NEUROG2: variants seen among roughly 807,000 people sequenced by gnomAD.
NEUROG2 encodes neurogenin-2.
Under a neutral mutation model 2.8 loss-of-function variants are expected in NEUROG2, and 1 was observed. The ratio of observed to expected loss-of-function variants is 0.36; its 90% confidence interval spans 0.13 to 1.71. The LOEUF is 1.71. Among genes scored for constraint, NEUROG2 ranks in the 40% most tolerant of loss-of-function variants. NEUROG2 has a pLI of 0.34. For missense variants in NEUROG2, 397 were observed against 392.7 expected (o/e 1.01, Z -0.09); for synonymous variants, 211 against 187.7 (o/e 1.12, Z -1.01).
rs756916626 is a variant in NEUROG2, at chr4:112,514,970, C to A, written c.506G>T (p.Arg169Leu). The A allele has an allele frequency of 5.6e-6, 9 of 1,613,460 alleles. No homozygotes were observed. The highest frequency in any genetic ancestry group is 6.8e-6 in the Non-Finnish European group (8 of 1,179,792). Residue 169 changes from arginine to leucine, a missense_variant, in exon 2 of 2, where the codon CGC becomes CTC. Physicochemically the swap from Arg to Leu is moderately radical, Grantham distance 102 (BLOSUM62 -2). Transcript: ENST00000313341. ...NYIWALTETL[R>L]LADHCGGGGG... is the part of the protein sequence containing the mutation. Reference sequence around the variant, plus strand: ...GCCGCCCCCGCAGTGATCCGCCAGGCGCAGGGTCTCGGTGAGTGCCCAGAT... The same window carrying A: ...GCCGCCCCCGCAGTGATCCGCCAGGAGCAGGGTCTCGGTGAGTGCCCAGAT...
chr4:112,514,967 A>G lies in NEUROG2; in HGVS notation c.509T>C (p.Leu170Pro), dbSNP rs1560712098. The change falls in exon 2 of 2, where the codon CTG becomes CCG. Residue 170 changes from leucine to proline, a missense_variant. Coordinates refer to ENST00000313341, the MANE Select transcript of NEUROG2 (RefSeq NM_024019.4). ...GCCGCCGCCCCCGCAGTGATCCGCC[A>G]GGCGCAGGGTCTCGGTGAGTGCCCA... ...YIWALTETLR[L>P]ADHCGGGGGG... 1 of 1,612,210 alleles carries G rather than the reference A, an allele frequency of 6.2e-7. No individual in the cohort carries two copies. The highest frequency in any genetic ancestry group is 8.5e-7 in the Non-Finnish European group (1 of 1,179,540).
In NEUROG2 at chr4:112,513,872, C is replaced by T. The variant is rs1736364164; in HGVS notation, c.*785G>A. ...ATAGAGAGTTCAGCCTAAATTTCCA[C>T]GCTTGCATTCAATCATTACAAAGCC... On this transcript the variant is annotated 3_prime_UTR_variant, in exon 2 of 2. Transcript: ENST00000313341. 1 of 152,628 alleles carries T rather than the reference C, an allele frequency of 6.6e-6. No homozygotes were observed. The highest frequency in any genetic ancestry group is 2.1e-4 in the South Asian group (1 of 4,826). The allele number at this position is 152,628 out of a possible 1,614,324, so 9.5% of individuals were successfully genotyped here. A position where few individuals can be genotyped will look rare whatever the true frequency, so the allele number is the denominator to read the frequency against.
chr4:112,514,338 T>C lies in NEUROG2; in HGVS notation c.*319A>G, dbSNP rs1383383818. On this transcript the variant is annotated 3_prime_UTR_variant, in exon 2 of 2. Coordinates refer to ENST00000313341, the MANE Select transcript of NEUROG2 (RefSeq NM_024019.4). ...AGAAAGGGGAGGAGCGTCAGTCCGCTCTGCAAACTCTTTAGATATGCCACC... is the reference window on the plus strand; with the variant it reads ...AGAAAGGGGAGGAGCGTCAGTCCGCCCTGCAAACTCTTTAGATATGCCACC... 1 of 301,178 alleles carries C rather than the reference T, an allele frequency of 3.3e-6. No individual in the cohort carries two copies. The highest frequency in any genetic ancestry group is 6.1e-6 in the Non-Finnish European group (1 of 164,754). 18.7% of individuals were successfully genotyped at this position (301,178 alleles called of 1,614,324 possible).
chr4:112,515,740 G>A (rs569670407), intron 1 of NEUROG2, 107 bp downstream of exon 1: 6 of 311,478 alleles, frequency 1.9e-5, no homozygotes, highest in African/African-American at 1.3e-4. Context: ...AAGGGACTGC[G>A]GCCTCCGCGA....
intron 1 of NEUROG2, 49 bp downstream of exon 1, chr4:112,515,798 G>C (rs762746243): frequency 4.9e-6 from 1 of 203,070 alleles, no homozygotes; most frequent in Non-Finnish European, 9.9e-6. Flanking sequence ...GTTGGACTGA[G>C]TGCGGGGAAA....
rs1736383955 is a variant in NEUROG2, at chr4:112,514,673, G to T, written c.803C>A (p.Ala268Asp). Residue 268 changes from alanine to aspartate, a missense_variant, in exon 2 of 2, where the codon GCC becomes GAC. Transcript: ENST00000313341. ...ATGGCAGCTCTAGATACAATCCCTG[G>T]CTATGGGGAGGTGAGGTGCATAGCG... Reference protein sequence around the residue: ...KHRYAPHLPIARDCI With the variant: ...KHRYAPHLPIDRDCI 1 of 1,509,354 alleles carries T rather than the reference G, an allele frequency of 6.6e-7. No homozygotes were observed. The highest frequency in any genetic ancestry group is 8.8e-7 in the Non-Finnish European group (1 of 1,130,790). The allele number at this position is 1,509,354 out of a possible 1,614,324, so 93.5% of individuals were successfully genotyped here.
rs372163446 is a variant in NEUROG2, at chr4:112,515,407, G to A, written c.69C>T (p.Ala23=). 3.3e-6 allele frequency: 5 copies of A among 1,526,188 alleles called. No homozygotes were observed. The African/African-American group carries it at 5.7e-5, about 17-fold the overall frequency. The allele number at this position is 1,526,188 out of a possible 1,614,324, so 94.5% of individuals were successfully genotyped here. ...GGGTCAGGGCCGCCAAGGCGGGGGAGGCCGATCCGAGCAGCACTAACACGT... is the reference window on the plus strand; with the variant it reads ...GGGTCAGGGCCGCCAAGGCGGGGGAAGCCGATCCGAGCAGCACTAACACGT... ...EEDVLVLLGS[A]SPALAALTPL... is the part of the protein sequence containing the mutation. The change falls in exon 2 of 2, where the codon GCC becomes GCT. Residue 23 remains alanine, a synonymous_variant. Coordinates refer to ENST00000313341, the MANE Select transcript of NEUROG2 (RefSeq NM_024019.4).
In NEUROG2 at chr4:112,514,597, C is replaced by G. The variant is rs1441024409; in HGVS notation, c.*60G>C. 1 of 1,388,190 alleles carries G rather than the reference C, an allele frequency of 7.2e-7. No homozygotes were observed. Among genetic ancestry groups the G allele is most frequent in the Non-Finnish European group, 9.6e-7 (1 of 1,046,938 alleles). 86.0% of individuals were successfully genotyped at this position (1,388,190 alleles called of 1,614,324 possible). On this transcript the variant is annotated 3_prime_UTR_variant, in exon 2 of 2. Coordinates refer to ENST00000313341, the MANE Select transcript of NEUROG2 (RefSeq NM_024019.4). ...AGGGGCAGGGGAAGGGAGGAGGGCT[C>G]GACTGGGGACAGGAAAGGGAACCCA...
Position 112,514,409 on chromosome 4 carries a change from A to C in NEUROG2, c.*248T>G. The stretch of plus-strand genomic sequence containing the variant: ...TTTTCGTCTCAAGAAGCGCCCCCAA[A>C]ACGCCACCCTTGGCTTTGACAATAA... On this transcript the variant is annotated 3_prime_UTR_variant, in exon 2 of 2. Coordinates refer to ENST00000313341, the MANE Select transcript of NEUROG2 (RefSeq NM_024019.4). The C allele has an allele frequency of 2.5e-6, 1 of 394,138 alleles. No homozygotes were observed. Among genetic ancestry groups the C allele is most frequent in the Non-Finnish European group, 4.4e-6 (1 of 225,170 alleles). The allele number at this position is 394,138 out of a possible 1,614,324, so 24.4% of individuals were successfully genotyped here.
In NEUROG2 at chr4:112,515,054, G is replaced by A. The variant is rs1736399928; in HGVS notation, c.422C>T (p.Thr141Met). Residue 141 changes from threonine (T) to methionine (M), a missense_variant, in exon 2 of 2, where the codon ACG (threonine) becomes ATG (methionine). Thr to Met is a moderately conservative substitution (Grantham distance 81). Coordinates refer to ENST00000313341, the MANE Select transcript of NEUROG2 (RefSeq NM_024019.4). ...GGTGAGCTTGGCGTCCTCGGGGAAC[G>A]TGGGGAGCACCTCGCGCAGCGCGTC... ...ALDALREVLPTFPEDAKLTKI... is the reference protein window; with the variant it reads ...ALDALREVLPMFPEDAKLTKI... The A allele has an allele frequency of 6.2e-7, 1 of 1,614,016 alleles. No individual in the cohort carries two copies. The highest frequency in any genetic ancestry group is 1.1e-5 in the South Asian group (1 of 91,084).
chr4:112,513,943 G>C lies in NEUROG2; in HGVS notation c.*714C>G, dbSNP rs1325222473. 1.3e-5 allele frequency: 2 copies of C among 152,590 alleles called. No individual in the cohort carries two copies. Among genetic ancestry groups the C allele is most frequent in the Non-Finnish European group, 2.9e-5 (2 of 68,036 alleles). 9.5% of individuals were successfully genotyped at this position (152,590 alleles called of 1,614,324 possible). A position where few individuals can be genotyped will look rare whatever the true frequency, so the allele number is the denominator to read the frequency against. ...CTAACCTGCCCCTCTAACAAAACAA[G>C]TTTTTTTCCCCTTATAAATCATAAG... On this transcript the variant is annotated 3_prime_UTR_variant, in exon 2 of 2. Coordinates refer to ENST00000313341, the MANE Select transcript of NEUROG2 (RefSeq NM_024019.4).
chr4:112,514,528 A>T lies in NEUROG2; in HGVS notation c.*129T>A. ...AAACAACCGAGGAATCAGAAAGGCT[A>T]CACCTGCCCTGTGAAGTGAGATGGT... On this transcript the variant is annotated 3_prime_UTR_variant, in exon 2 of 2. Transcript: ENST00000313341. 1 of 666,816 alleles carries T rather than the reference A, an allele frequency of 1.5e-6. No homozygotes were observed. Among genetic ancestry groups the T allele is most frequent in the Non-Finnish European group, 2.3e-6 (1 of 437,854 alleles). The allele number at this position is 666,816 out of a possible 1,614,324, so 41.3% of individuals were successfully genotyped here.
rs1736366021 is a variant in NEUROG2, at chr4:112,513,967, A to G, written c.*690T>C. Reference sequence around the variant, plus strand: ...AGTTTTTTTCCCCTTATAAATCATAAGAGACAGATGGCAAAATGGGGAAGA... The same window carrying G: ...AGTTTTTTTCCCCTTATAAATCATAGGAGACAGATGGCAAAATGGGGAAGA... On this transcript the variant is annotated 3_prime_UTR_variant, in exon 2 of 2. Transcript: ENST00000313341. The G allele has an allele frequency of 6.5e-6, 1 of 152,674 alleles. No individual in the cohort carries two copies. Among genetic ancestry groups the G allele is most frequent in the East Asian group, 1.9e-4 (1 of 5,204 alleles). 9.5% of individuals were successfully genotyped at this position (152,674 alleles called of 1,614,324 possible). A position where few individuals can be genotyped will look rare whatever the true frequency, so the allele number is the denominator to read the frequency against.
rs1273387766 is a variant in NEUROG2, at chr4:112,513,530, T to C, written c.*1127A>G. The C allele has an allele frequency of 1.3e-5, 2 of 152,600 alleles. No individual in the cohort carries two copies. Among genetic ancestry groups the C allele is most frequent in the African/African-American group, 4.8e-5 (2 of 41,466 alleles). The allele number at this position is 152,600 out of a possible 1,614,324, so 9.5% of individuals were successfully genotyped here. ...AACACACAAACTTATGAAAATTAGATAGTTTATTTATAGTTTAATCACAAG... is the reference window on the plus strand; with the variant it reads ...AACACACAAACTTATGAAAATTAGACAGTTTATTTATAGTTTAATCACAAG... On this transcript the variant is annotated 3_prime_UTR_variant, in exon 2 of 2. Transcript: ENST00000313341.
chr4:112,514,675 T>C lies in NEUROG2; in HGVS notation c.801A>G (p.Ile267Met), dbSNP rs762792003. ...DKHRYAPHLP[I>M]ARDCI Reference sequence around the variant, plus strand: ...GGCAGCTCTAGATACAATCCCTGGCTATGGGGAGGTGAGGTGCATAGCGGT... The same window carrying C: ...GGCAGCTCTAGATACAATCCCTGGCCATGGGGAGGTGAGGTGCATAGCGGT... The change falls in exon 2 of 2, where the codon ATA becomes ATG. Residue 267 changes from isoleucine (I) to methionine (M), a missense_variant. Transcript: ENST00000313341. 6.6e-7 allele frequency: 1 copy of C among 1,508,414 alleles called. No homozygotes were observed. Among genetic ancestry groups the C allele is most frequent in the Admixed American group, 2.3e-5 (1 of 43,218 alleles). The allele number at this position is 1,508,414 out of a possible 1,614,324, so 93.4% of individuals were successfully genotyped here. A position where few individuals can be genotyped will look rare whatever the true frequency, so the allele number is the denominator to read the frequency against.
Position 112,514,603 on chromosome 4 carries a change from G to C in NEUROG2, c.*54C>G. 1 of 1,418,466 alleles carries C rather than the reference G, an allele frequency of 7.0e-7. No individual in the cohort carries two copies. Among genetic ancestry groups the C allele is most frequent in the South Asian group, 1.6e-5 (1 of 61,020 alleles). The allele number at this position is 1,418,466 out of a possible 1,614,324, so 87.9% of individuals were successfully genotyped here. On this transcript the variant is annotated 3_prime_UTR_variant, in exon 2 of 2. Transcript: ENST00000313341. ...AGGGGAAGGGAGGAGGGCTCGACTG[G>C]GGACAGGAAAGGGAACCCACTAAGG...
At position 112,515,435 on chromosome 4, in the gene NEUROG2, T is replaced by C; in HGVS notation, c.41A>G (p.Glu14Gly). 6.5e-7 allele frequency: 1 copy of C among 1,527,698 alleles called. No homozygotes were observed. The highest frequency in any genetic ancestry group is 2.7e-5 in the East Asian group (1 of 37,412). 94.6% of individuals were successfully genotyped at this position (1,527,698 alleles called of 1,614,324 possible). ...CGATCCGAGCAGCACTAACACGTCC[T>C]CTTCCTCCTTCAACTCCAAGGTCTC... ...KSETLELKEE[E>G]DVLVLLGSAS... The change falls in exon 2 of 2, where the codon GAG becomes GGG. Residue 14 changes from glutamate to glycine, a missense_variant. Physicochemically the swap from Glu to Gly is moderately conservative, Grantham distance 98 (BLOSUM62 -2). Transcript: ENST00000313341.
Position 112,515,562 on chromosome 4 carries a change from G to A in NEUROG2, c.-1-86C>T, listed in dbSNP as rs1400287736. On this transcript the variant is annotated intron_variant, in intron 1 of 1. Coordinates refer to ENST00000313341, the MANE Select transcript of NEUROG2 (RefSeq NM_024019.4). ...TCTTCGTGTCACAGGGGCGTGCTCC[G>A]GCGCGCACCCGAGAAGACCAGCTCC... 1.3e-5 allele frequency: 16 copies of A among 1,216,668 alleles called. No homozygotes were observed. The East Asian group carries it at 1.5e-4, about 11-fold the overall frequency. The allele number at this position is 1,216,668 out of a possible 1,614,324, so 75.4% of individuals were successfully genotyped here.
Position 112,514,786 on chromosome 4 carries a change from G to A in NEUROG2, c.690C>T (p.Ser230=), listed in dbSNP as rs1293460458. ...ATAAAGTGCAGCTGTAGGGGGAGGT[G>A]GAATTGGAGGACACGGAGGAGGACG... ...PAPSSSVSSN[S]TSPYSCTLSP... Residue 230 remains serine (S), a synonymous_variant, in exon 2 of 2, where the codon TCC becomes TCT. Transcript: ENST00000313341. 1 of 1,552,008 alleles carries A rather than the reference G, an allele frequency of 6.4e-7. No individual in the cohort carries two copies.
Sources: allele counts gnomAD v4.1 joint callset, GRCh38; gene constraint gnomAD v4.1.1; transcripts MANE v1.5; gene names NCBI Gene and HGNC (gene_info 2026-07-23, HGNC 2026-07-21).